Variants in YJU2B observed in about 807,000 individuals in gnomAD.
YJU2B encodes YJU2 splicing factor homolog B.
In YJU2B, 18 loss-of-function variants were observed where a neutral mutation model predicts 38.0. That is an observed-to-expected ratio of 0.47 (90% CI 0.33 to 0.70). The LOEUF is 0.70. YJU2B is among the 30% of genes least tolerant of loss of function. The pLI is 0.02. For synonymous variants in YJU2B, 246 were observed against 225.4 expected (o/e 1.09, Z -0.82); for missense variants, 538 against 556.3 (o/e 0.97, Z 0.33).
chr19:13,735,850 A>G (rs1445790225), intron 2 of YJU2B, among the ~76,000 whole-genome samples: 1 of 152,120 alleles, frequency 6.6e-6, no homozygotes, highest in Admixed American at 6.6e-5. Flanking sequence ...CAGGAGATCG[A>G]GGCCATCCTG....
At chr19:13,745,727 CTA>C (rs59968833), upstream of YJU2B, among the ~76,000 whole-genome samples, 1,674 of 84,146 alleles carry the variant, frequency 0.02, 39 homozygotes, top group African/African-American at 0.046. Context: ...CTATAGATAT[CTA>C]TATATATATA....
At chr19:13,758,775 A>T (rs1023211263) in intron 6 of YJU2B, 93 bp from the exon 7 acceptor site, 2 of 1,461,978 alleles carry the variant, frequency 1.4e-6, no homozygotes, top group Non-Finnish European at 9.4e-7. Flanking sequence ...TTGTCAAATG[A>T]CACCATTGGG....
At chr19:13,756,143 T>C (rs2910225) in intron 3 of YJU2B, 54 bp from the exon 4 acceptor site, 508,891 of 1,432,608 alleles carry the variant, frequency 0.36, 96,818 homozygotes, top group African/African-American at 0.69. Flanking sequence ...GGCAGAAAAT[T>C]GTGAGCTCCT....
At chr19:13,751,430 C>A (rs1386270390) in intron 1 of YJU2B, among the ~76,000 whole-genome samples, 178 bp from the exon 2 acceptor site, 1 of 151,866 alleles carries the variant, frequency 6.6e-6, no homozygotes. Context: ...CAAAAAGATC[C>A]CCTGGGCAGC....
intron 2 of YJU2B, among the ~76,000 whole-genome samples, chr19:13,740,385 G>A (rs374300): frequency 0.62 from 93,389 of 151,570 alleles, 29,109 homozygotes; most frequent in Middle Eastern, 0.72. Context: ...CTAATTTTTT[G>A]TTTTTTGTAG....
At chr19:13,746,164 C>T (rs1973244901), upstream of YJU2B, among the ~76,000 whole-genome samples, 1 of 151,906 alleles carries the variant, frequency 6.6e-6, no homozygotes, top group South Asian at 2.1e-4. Flanking sequence ...AAGCAGGAGA[C>T]TCACTTGAAC....
intron 8 of YJU2B, among the ~76,000 whole-genome samples, chr19:13,760,855 C>G (rs1315054939): frequency 1.3e-5 from 2 of 152,020 alleles, no homozygotes; most frequent in African/African-American, 4.8e-5. Context: ...ACTGAAGCCT[C>G]CACCCCAGGT....
At chr19:13,748,238 T>A (rs1244019281) in intron 1 of YJU2B, among the ~76,000 whole-genome samples, 1 of 151,986 alleles carries the variant, frequency 6.6e-6, no homozygotes, top group Non-Finnish European at 1.5e-5. Flanking sequence ...GACCAATAAG[T>A]CCCTATCTCA....
upstream of YJU2B, among the ~76,000 whole-genome samples, chr19:13,745,815 C>T (rs1973233678): frequency 6.6e-6 from 1 of 150,814 alleles, no homozygotes; most frequent in African/African-American, 2.4e-5. Context: ...GATAAATTGC[C>T]AGTTGAAGTG....
At chr19:13,752,253 T>G (rs1335093676) in intron 2 of YJU2B, among the ~76,000 whole-genome samples, 1 of 96,196 alleles carries the variant, frequency 1.0e-5, no homozygotes, top group Non-Finnish European at 2.1e-5. Flanking sequence ...CCCCTACCCC[T>G]TCCTTTCTCT....
chr19:13,748,510 C>T (rs959981171), intron 1 of YJU2B, among the ~76,000 whole-genome samples: 3 of 152,288 alleles, frequency 2.0e-5, no homozygotes, highest in Non-Finnish European at 4.4e-5. Flanking sequence ...CCGGAGATAT[C>T]TACACGCCCA....
intron 2 of YJU2B, among the ~76,000 whole-genome samples, chr19:13,733,349 C>T (rs1028287301): frequency 1.3e-4 from 20 of 152,140 alleles, no homozygotes; most frequent in Middle Eastern, 3.2e-3. Context: ...TACTGGCATT[C>T]GGGGCCGGAT....
intron 6 of YJU2B, among the ~76,000 whole-genome samples, chr19:13,758,075 G>A (rs1973738478): frequency 6.6e-6 from 1 of 152,048 alleles, no homozygotes; most frequent in Admixed American, 6.6e-5. Flanking sequence ...CACTCTGCCT[G>A]TCCTTTCTTC....
Position 13,759,243 on chromosome 19 carries a change from C to T in YJU2B, c.544C>T (p.Leu182Phe). Residue 182 changes from leucine (L) to phenylalanine (F), a missense_variant, in exon 8 of 10, where the codon CTC becomes TTC. Leu to Phe is a conservative substitution (Grantham distance 22, BLOSUM62 0). This residue lies in a region of YJU2B where 488 missense variants were observed against 469.5 expected (regional missense o/e 1.04). Transcript: ENST00000221554. Reference sequence around the variant, plus strand: ...GAGCGCCTGGAAGGACGACTTCGCCCTCAACAGCATGCTGCGGAGAAGGTT... The same window carrying T: ...GAGCGCCTGGAAGGACGACTTCGCCTTCAACAGCATGCTGCGGAGAAGGTT... ...AQSAWKDDFA[L>F]NSMLRRRFRE... is the part of the protein sequence containing the mutation. The T allele has an allele frequency of 6.2e-7, 1 of 1,612,404 alleles. No homozygotes were observed.
intron 1 of YJU2B, among the ~76,000 whole-genome samples, chr19:13,750,308 A>G (rs931697027): frequency 6.6e-6 from 1 of 151,600 alleles, no homozygotes; most frequent in Non-Finnish European, 1.5e-5. Flanking sequence ...GCTTACTGCA[A>G]CCTCCGCCTC....
At chr19:13,762,134 G>A (rs752787306) in intron 8 of YJU2B, among the ~76,000 whole-genome samples, 165 bp from the exon 9 acceptor site, 1 of 152,152 alleles carries the variant, frequency 6.6e-6, no homozygotes, top group Non-Finnish European at 1.5e-5. Flanking sequence ...GTTCGAGGCT[G>A]CAGTGAGCTA....
At chr19:13,762,220 TGGAG>T in intron 8 of YJU2B, 75 bp from the exon 9 acceptor site, 1 of 1,495,770 alleles carries the variant, frequency 6.7e-7, no homozygotes, top group Non-Finnish European at 9.0e-7. Context: ...CCCCGAGAGT[TGGAG>T]CAGTGCCCCC....
chr19:13,750,463 G>A (rs1286339659), intron 1 of YJU2B, among the ~76,000 whole-genome samples: 2 of 152,024 alleles, frequency 1.3e-5, no homozygotes, highest in Admixed American at 6.6e-5. Flanking sequence ...CTGACCTCAG[G>A]GGATCCACCT....
chr19:13,741,273 G>A lies in YJU2B; in HGVS notation c.-202+8988G>A, dbSNP rs1204107190. Among the ~76,000 whole-genome samples, 4 of 150,540 alleles carry A rather than the reference G, an allele frequency of 2.7e-5. No individual in the cohort carries two copies. The Admixed American group carries it at 2.7e-4, about 10-fold the overall frequency. On this transcript the variant is annotated intron_variant, in intron 2 of 10. Coordinates refer to the YJU2B transcript ENST00000586600. ...GGGTTCAAGTGATTCTCCTGCCTCAGCCTCCTGAGTAGCTGGGATTACAGG... is the reference window on the plus strand; with the variant it reads ...GGGTTCAAGTGATTCTCCTGCCTCAACCTCCTGAGTAGCTGGGATTACAGG...
Sources: allele counts gnomAD v4.1 joint callset (sites outside exome capture counted in the v4.1 genomes callset), GRCh38; gene constraint gnomAD v4.1.1; regional missense constraint gnomAD v4.1.1; transcripts MANE v1.5; gene names NCBI Gene and HGNC (gene_info 2026-07-23, HGNC 2026-07-21).